Variants in KAZN observed in about 807,000 individuals in gnomAD.
KAZN encodes the protein kazrin, periplakin interacting protein.
Under a neutral mutation model 87.4 loss-of-function variants are expected in KAZN, and 40 were observed. The observed-to-expected ratio is 0.46, with a 90% CI of 0.36 to 0.60. KAZN has a LOEUF of 0.60. Ranked by LOEUF, KAZN falls within the 20% of genes least tolerant of loss-of-function variation. KAZN has a pLI of 0.00. For missense variants in KAZN, 898 were observed against 1,073.9 expected, an observed-to-expected ratio of 0.84 and a Z score of 2.29; for synonymous variants, 466 against 458.3, an observed-to-expected ratio of 1.02 and a Z score of -0.22.
At chr1:14,924,429 C>T (rs1658916887) in intron 1 of KAZN, 3 of 987,148 alleles carry the variant, frequency 3.0e-6, no homozygotes, top group South Asian at 4.5e-5. Context: ...GGCGAGCCGG[C>T]GCCTTCCTGC....
At chr1:14,724,197 C>A (rs1280769108) in intron 1 of KAZN, among the ~76,000 whole-genome samples, 1 of 152,006 alleles carries the variant, frequency 6.6e-6, no homozygotes, top group Non-Finnish European at 1.5e-5. Flanking sequence ...TTTAAAATCC[C>A]CCAACCAATT....
At chr1:15,063,708 C>A in intron 7 of KAZN, 86 bp downstream of exon 7, 1 of 1,087,550 alleles carries the variant, frequency 9.2e-7, no homozygotes, top group Non-Finnish European at 1.4e-6. Context: ...GAGCCCACAT[C>A]CATGCCGCAC....
chr1:14,114,021 A>G (rs1350133905), intron 1 of KAZN, among the ~76,000 whole-genome samples: 1 of 152,166 alleles, frequency 6.6e-6, no homozygotes, highest in Non-Finnish European at 1.5e-5. Flanking sequence ...GCAAACGTCC[A>G]GGGGAGGGCA....
chr1:14,727,548 C>T (rs1250950705), intron 1 of KAZN, among the ~76,000 whole-genome samples: 7 of 137,622 alleles, frequency 5.1e-5, no homozygotes, highest in African/African-American at 1.6e-4. Flanking sequence ...GGCACGATCT[C>T]GGCACACTGC....
chr1:14,838,958 C>T (rs1647613366), intron 1 of KAZN, among the ~76,000 whole-genome samples: 1 of 152,180 alleles, frequency 6.6e-6, no homozygotes, highest in South Asian at 2.1e-4. Flanking sequence ...GCACTTTATC[C>T]ACCTGGCTTT....
intron 1 of KAZN, among the ~76,000 whole-genome samples, chr1:14,661,986 G>A (rs1050974697): frequency 2.0e-5 from 3 of 152,172 alleles, no homozygotes; most frequent in African/African-American, 4.8e-5. Flanking sequence ...TCTGTTAGCC[G>A]TGTGATCTTG....
chr1:14,604,590 C>T (rs1391889333), intron 1 of KAZN, among the ~76,000 whole-genome samples: 1 of 152,206 alleles, frequency 6.6e-6, no homozygotes, highest in Non-Finnish European at 1.5e-5. Flanking sequence ...CCTTGGAGTC[C>T]TAGGCTGCTG....
upstream of KAZN, among the ~76,000 whole-genome samples, chr1:14,593,887 G>A (rs1676342584): frequency 6.6e-6 from 1 of 152,184 alleles, no homozygotes; most frequent in Non-Finnish European, 1.5e-5. Context: ...AAGGCTGTGG[G>A]TGTAATTTAG....
intron 1 of KAZN, among the ~76,000 whole-genome samples, chr1:14,033,404 C>T (rs1641410506): frequency 6.6e-6 from 1 of 152,162 alleles, no homozygotes; most frequent in Non-Finnish European, 1.5e-5. Flanking sequence ...ATGGGGGCTG[C>T]TGAGGTTCCT....
intron 1 of KAZN, among the ~76,000 whole-genome samples, chr1:14,166,817 A>T: frequency 6.6e-6 from 1 of 152,338 alleles, no homozygotes; most frequent in Non-Finnish European, 1.5e-5. Flanking sequence ...GTGTTTACAT[A>T]CTTGGAACAT....
At chr1:13,940,009 C>T (rs527481273) in intron 1 of KAZN, among the ~76,000 whole-genome samples, 2 of 152,168 alleles carry the variant, frequency 1.3e-5, no homozygotes, top group African/African-American at 2.4e-5. Context: ...CCAGGTCCCA[C>T]CTCCAATGAT....
chr1:14,481,784 G>T (rs1283894273), intron 2 of KAZN, among the ~76,000 whole-genome samples: 5 of 152,166 alleles, frequency 3.3e-5, no homozygotes, highest in African/African-American at 1.2e-4. Flanking sequence ...ATGCTTAAAA[G>T]CGTAAGAAGA....
chr1:14,679,553 A>T (rs943723131), intron 1 of KAZN, among the ~76,000 whole-genome samples: 4 of 152,088 alleles, frequency 2.6e-5, no homozygotes, highest in Admixed American at 6.5e-5. Context: ...GTCTCTAGGA[A>T]CTAACACTCC....
chr1:14,146,478 G>A (rs1645351712), intron 1 of KAZN, among the ~76,000 whole-genome samples: 1 of 139,250 alleles, frequency 7.2e-6, no homozygotes, highest in African/African-American at 2.7e-5. Flanking sequence ...GGAAGTTGCA[G>A]TAGGCCAAGA....
intron 2 of KAZN, among the ~76,000 whole-genome samples, chr1:14,188,910 A>G (rs1646369097): frequency 6.6e-6 from 1 of 152,084 alleles, no homozygotes; most frequent in East Asian, 1.9e-4. Flanking sequence ...GATGATAGAG[A>G]GCCAAATGTA....
In KAZN at chr1:14,480,638, G is replaced by GTATAA. The variant is rs33919036; in HGVS notation, c.250-118342_250-118341insAATAT. ...GTATAAAAATATATGTATATATTAT[G>GTATAA]TATTATAATATATAATATTTATTTA... On this transcript the variant is annotated intron_variant, in intron 2 of 16. Transcript: ENST00000636203. Among the ~76,000 whole-genome samples, 944 of 143,070 alleles carry GTATAA rather than the reference G, an allele frequency of 6.6e-3. 15 individuals are homozygous for GTATAA. The highest frequency in any genetic ancestry group is 0.023 in the African/African-American group (888 of 39,230). 93.9% of individuals were successfully genotyped at this position (143,070 alleles called of 152,430 possible). A position where few individuals can be genotyped will look rare whatever the true frequency, so the allele number is the denominator to read the frequency against.
chr1:15,095,236 G>C (rs943310290), intron 10 of KAZN, among the ~76,000 whole-genome samples: 17 of 152,154 alleles, frequency 1.1e-4, no homozygotes, highest in Non-Finnish European at 2.4e-4. Flanking sequence ...TCTGCCTTCC[G>C]GGACCAGCCC....
chr1:14,278,387 C>T (rs1308519392), intron 2 of KAZN, among the ~76,000 whole-genome samples: 2 of 150,108 alleles, frequency 1.3e-5, no homozygotes, highest in Non-Finnish European at 3.0e-5. Flanking sequence ...GCCTCCCGGA[C>T]TCAAGCGATT....
chr1:14,651,908 C>T (rs914750300), intron 1 of KAZN, among the ~76,000 whole-genome samples: 2 of 152,174 alleles, frequency 1.3e-5, no homozygotes, highest in Non-Finnish European at 2.9e-5. Context: ...CGAATGATAC[C>T]CATGATCCCA....
Sources: gnomAD v4.1 joint callset for allele counts (sites outside exome capture counted in the v4.1 genomes callset) on GRCh38, gnomAD v4.1.1 for gene constraint, MANE v1.5 for transcripts, NCBI Gene and HGNC (gene_info 2026-07-23, HGNC 2026-07-21) for gene names.